Variants in MYL5 observed in about 807,000 individuals in gnomAD.
MYL5 encodes the protein myosin regulatory light chain 5.
MYL5 carries 28 observed loss-of-function variants against 20.8 expected under a neutral mutation model. That is an observed-to-expected ratio of 1.35 (90% confidence interval 1.00 to 1.84). The LOEUF (loss-of-function observed/expected upper bound fraction) is 1.84, where lower values mean the gene tolerates loss of function less well. Among genes scored for constraint, MYL5 ranks in the 40% most tolerant of loss-of-function variants. The pLI is 0.00. For missense variants in MYL5, 274 were observed against 227.3 expected (o/e 1.21, Z -1.32); for synonymous variants, 118 against 87.4 (o/e 1.35, Z -1.95).
rs200794172 is a variant in MYL5 at position 679,021 on chromosome 4, T to C, written c.175T>C (p.Tyr59His). 6 of 1,613,534 alleles carry C rather than the reference T, an allele frequency of 3.7e-6. No homozygotes were observed. In the African/African-American group the frequency reaches 5.3e-5, roughly 14 times the overall value. The stretch of plus-strand genomic sequence containing the variant: ...TGACAAGGAGGACCTGAAGGACACC[T>C]ATGCCTCCCTGGGTAGGTACCCAGG... The change falls in exon 3 of 7, where the codon TAT (tyrosine) becomes CAT (histidine). Residue 59 changes from tyrosine to histidine, a missense_variant. Tyr to His is a moderately conservative substitution (Grantham distance 83). Coordinates refer to ENST00000400159, the Ensembl canonical transcript of MYL5.
chr4:678,937 A>G, intron 2 of MYL5, 21 bp from the exon 5 acceptor site: 2 of 1,613,108 alleles, frequency 1.2e-6, no homozygotes, highest in Non-Finnish European at 1.7e-6. Flanking sequence ...GCAGCACAGC[A>G]GCCCTGACCT....
intron 6 of MYL5, among the ~76,000 whole-genome samples, chr4:681,591 GCCGCCGCCGCC>G: frequency 7.2e-6 from 1 of 139,152 alleles, no homozygotes; most frequent in East Asian, 2.1e-4. Context: ...TGTGGCTGCA[GCCGCCGCCGCC>G]CCGCCCCCTC....
chr4:680,076 C>G, intron 4 of MYL5, 58 bp downstream of exon 6: 4 of 1,387,468 alleles, frequency 2.9e-6, no homozygotes. Flanking sequence ...GTTAGAGATC[C>G]GGACATTTCA....
chr4:678,816 G>T, intron 2 of MYL5, 51 bp downstream of exon 4: 1 of 1,608,424 alleles, frequency 6.2e-7, no homozygotes, highest in Middle Eastern at 1.7e-4. Flanking sequence ...AGCCTGTGCT[G>T]GGAAGACCCC....
upstream of MYL5, chr4:676,848 C>T (rs1045759084): frequency 2.0e-6 from 2 of 984,560 alleles, no homozygotes; most frequent in South Asian, 9.4e-5. Flanking sequence ...CAGGTCCCTC[C>T]TGGGCAGGTC....
At chr4:681,858 GAGCCCGC>G in intron 6 of MYL5, 28 bp from the exon 9 acceptor site, 1 of 1,306,474 alleles carries the variant, frequency 7.7e-7, no homozygotes, top group Non-Finnish European at 9.8e-7. Context: ...TTCGCTCCCG[GAGCCCGC>G]AAGGAGCCCT....
chr4:680,439 T>A, intron 4 of MYL5, 70 bp from the exon 7 acceptor site: 1 of 1,497,526 alleles, frequency 6.7e-7, no homozygotes, highest in Non-Finnish European at 9.3e-7. Flanking sequence ...TCTCCCCTCC[T>A]GCCATCTGCC....
chr4:678,830 T>G (rs1739127537), intron 2 of MYL5, 65 bp downstream of exon 4: 2 of 1,607,470 alleles, frequency 1.2e-6, no homozygotes, highest in Admixed American at 3.4e-5. Flanking sequence ...AGACCCCATG[T>G]GGGCTGGCTC....
At chr4:679,805 C>A in intron 3 of MYL5, 109 bp from the exon 6 acceptor site, 2 of 861,222 alleles carry the variant, frequency 2.3e-6, no homozygotes, top group Non-Finnish European at 1.9e-6. Context: ...CCTTCCCGCT[C>A]CCTCCCCACC....
chr4:677,967 G>A, exon 1 of MYL5: 1 of 1,613,168 alleles, frequency 6.2e-7, no homozygotes, highest in Admixed American at 1.7e-5. Flanking sequence ...CCAAGCAGGA[G>A]CTTAAGATGG....
Position 678,650 on chromosome 4 carries a change from C to T in MYL5, c.4-8C>T, listed in dbSNP as rs1739106381. On this transcript the variant is annotated splice_region_variant and splice_polypyrimidine_tract_variant and intron_variant, in intron 1 of 6. Transcript: ENST00000400159. ...CCAGGACCCTCAGCCATGGTGCTCC[C>T]ACCGCAGGCCAGCAGGAAGACCAAG... The T allele has an allele frequency of 1.2e-6, 2 of 1,600,292 alleles. No individual in the cohort carries two copies. Among genetic ancestry groups the T allele is most frequent in the East Asian group, 4.5e-5 (2 of 44,484 alleles).
chr4:674,937 G>C (rs947022505), upstream of MYL5: 1 of 152,734 alleles, frequency 6.5e-6, no homozygotes, highest in Non-Finnish European at 1.5e-5. Context: ...CCTTCATCCC[G>C]GAGCTGGAGC....
chr4:679,762 A>C (rs2109344829), intron 3 of MYL5, 152 bp from the exon 6 acceptor site: 2 of 645,050 alleles, frequency 3.1e-6, no homozygotes, highest in East Asian at 2.8e-5. Context: ...AGCCAGATGC[A>C]CCCACTGCCC....
intron 1 of MYL5, 91 bp downstream of exon 3, chr4:678,120 T>C (rs1013162092): frequency 1.1e-5 from 18 of 1,576,020 alleles, no homozygotes; most frequent in Non-Finnish European, 1.2e-5. Flanking sequence ...CGTGGGCGTG[T>C]CCGTGCTTGC....
chr4:676,323 G>A (rs1738833340), upstream of MYL5: 1 of 152,440 alleles, frequency 6.6e-6, no homozygotes, highest in African/African-American at 2.4e-5. Flanking sequence ...GGGTGAGGGG[G>A]ACATACCAGC....
At chr4:676,756 G>T, upstream of MYL5, 3 of 344,716 alleles carry the variant, frequency 8.7e-6, no homozygotes, top group Non-Finnish European at 1.2e-5. Flanking sequence ...GACCCCACTG[G>T]ACTGGCAGCA....
upstream of MYL5, among the ~76,000 whole-genome samples, chr4:677,685 G>GC (rs1214228306): frequency 3.9e-5 from 6 of 152,160 alleles, no homozygotes; most frequent in Non-Finnish European, 8.8e-5. Flanking sequence ...GGGTGCCCAG[G>GC]CCCCCAGCCA....
exon 1 of MYL5, chr4:677,933 C>T (rs552805959): frequency 1.3e-5 from 21 of 1,605,748 alleles, no homozygotes; most frequent in African/African-American, 1.1e-4. Context: ...GAGTGGCAGC[C>T]GGAGTCTGAA....
At chr4:677,043 C>A (rs2109320717), upstream of MYL5, 2 of 450,106 alleles carry the variant, frequency 4.4e-6, no homozygotes, top group Admixed American at 6.4e-5. Flanking sequence ...CGGTGGCGCC[C>A]CCAGGGATCC....
Sources: allele counts gnomAD v4.1 joint callset (sites outside exome capture counted in the v4.1 genomes callset), GRCh38; gene constraint gnomAD v4.1.1; transcripts MANE v1.5; gene names NCBI Gene and HGNC (gene_info 2026-07-23, HGNC 2026-07-21).